Variants in CFI observed in about 807,000 individuals in gnomAD.
CFI encodes the protein C3B/C4B inactivator.
CFI carries 66 observed loss-of-function variants against 78.8 expected under a neutral mutation model. The ratio of observed to expected loss-of-function variants is 0.84; its 90% CI spans 0.69 to 1.03. The LOEUF is 1.03. CFI is among the 50% of genes least tolerant of loss of function. The pLI is 0.00. For missense variants in CFI, 706 were observed against 704.5 expected (o/e 1.00, Z -0.02); for synonymous variants, 250 against 232.6 (o/e 1.07, Z -0.68).
chr4:109,732,401 A>G, the CFI span, among the ~76,000 whole-genome samples: 1 of 152,226 alleles, frequency 6.6e-6, no homozygotes. Flanking sequence ...ACATTTAATC[A>G]TTATATATTT....
Position 109,766,795 on chromosome 4 carries a change from C to T in CFI, c.87G>A (p.Val29=). The T allele has an allele frequency of 6.2e-7, 1 of 1,614,122 alleles. No individual in the cohort carries two copies. The highest frequency in any genetic ancestry group is 8.5e-7 in the Non-Finnish European group (1 of 1,180,012). ...KVTYTSQEDL[V]EKKCLAKKYT... ...ATTTTTTTGCTAAGCACTTTTTCTC[C>T]ACCAGATCCTCTTGAGATGTATAAG... The change falls in exon 2 of 13, where the codon GTG becomes GTA. Residue 29 remains valine, a synonymous_variant. Transcript: ENST00000394634.
intron 6 of CFI, among the ~76,000 whole-genome samples, chr4:109,759,901 G>A (rs1181239457): frequency 2.0e-5 from 3 of 148,940 alleles, no homozygotes; most frequent in African/African-American, 5.0e-5. Flanking sequence ...CACAAAAAAA[G>A]TAATAGTAAA....
At position 109,779,911 on chromosome 4, in the gene CFI, G is replaced by A. The variant is rs575891859; in HGVS notation, c.58-13087C>T. Among the ~76,000 whole-genome samples the A allele has an allele frequency of 7.6e-3, 1,158 of 152,216 alleles. 12 individuals carry two copies. The highest frequency in any genetic ancestry group is 0.026 in the African/African-American group (1,088 of 41,542). ...TTCCCTATTTAATAAATGGTGCTGG[G>A]AAAACTGGCTAGCCATAAGTAGAAA... is the stretch of plus-strand genomic sequence containing the variant. On this transcript the variant is annotated intron_variant, in intron 1 of 12. Coordinates refer to ENST00000394634, the MANE Select transcript of CFI (RefSeq NM_000204.5).
the CFI span, among the ~76,000 whole-genome samples, chr4:109,731,101 C>T: frequency 1.3e-5 from 2 of 152,040 alleles, no homozygotes. Context: ...GCCTGTAATC[C>T]CAGCACCTTG....
chr4:109,748,729 G>A (rs1320657214), intron 10 of CFI, among the ~76,000 whole-genome samples: 1 of 152,162 alleles, frequency 6.6e-6, no homozygotes, highest in African/African-American at 2.4e-5. Flanking sequence ...GATGAGATTG[G>A]CAAAGGTTAG....
At chr4:109,750,179 T>C (rs776135939) in intron 8 of CFI, among the ~76,000 whole-genome samples, 1 of 151,862 alleles carries the variant, frequency 6.6e-6, no homozygotes, top group East Asian at 1.9e-4. Flanking sequence ...GTTTTTTTAG[T>C]AGAGATGGGG....
intron 1 of CFI, among the ~76,000 whole-genome samples, chr4:109,768,324 G>A (rs1579242066): frequency 9.9e-6 from 1 of 100,552 alleles, no homozygotes; most frequent in Non-Finnish European, 2.0e-5. Flanking sequence ...TCTTGACCAT[G>A]AAGAAATCCT....
intron 12 of CFI, chr4:109,741,821 T>C (rs572769577): frequency 5.4e-4 from 84 of 154,980 alleles, no homozygotes; most frequent in Non-Finnish European, 4.4e-4. Flanking sequence ...CATTTAGAAA[T>C]GGTTTCAATA....
intron 1 of CFI, among the ~76,000 whole-genome samples, chr4:109,782,304 C>CCT (rs1160969624): frequency 2.6e-5 from 4 of 151,950 alleles, no homozygotes; most frequent in Non-Finnish European, 5.9e-5. Flanking sequence ...AGCTCTAGAA[C>CCT]TGATACAAGA....
At chr4:109,781,744 G>A (rs1579285592) in intron 1 of CFI, among the ~76,000 whole-genome samples, 1 of 152,044 alleles carries the variant, frequency 6.6e-6, no homozygotes, top group African/African-American at 2.4e-5. Context: ...GAAGAACACA[G>A]AAGCTAAAAT....
At chr4:109,736,106 T>C (rs1351316020), downstream of CFI, among the ~76,000 whole-genome samples, 1 of 152,202 alleles carries the variant, frequency 6.6e-6, no homozygotes, top group African/African-American at 2.4e-5. Context: ...TAAAACAGAA[T>C]GCTTGAAGTT....
At chr4:109,734,225 G>C in the CFI span, among the ~76,000 whole-genome samples, 1 of 152,060 alleles carries the variant, frequency 6.6e-6, no homozygotes, top group African/African-American at 2.4e-5. Flanking sequence ...TAAAAAGTGA[G>C]TGTACACAAA....
intron 1 of CFI, among the ~76,000 whole-genome samples, chr4:109,768,346 A>AAAG (rs1417750597): frequency 6.6e-6 from 1 of 151,030 alleles, no homozygotes; most frequent in Admixed American, 6.6e-5. Flanking sequence ...AAAAAAAAAA[A>AAAG]AAAAAAAGAA....
At chr4:109,785,636 G>A (rs1243023327) in intron 1 of CFI, among the ~76,000 whole-genome samples, 1 of 151,780 alleles carries the variant, frequency 6.6e-6, no homozygotes, top group East Asian at 1.9e-4. Context: ...CTGTGTATAT[G>A]GGTGATATGG....
chr4:109,748,679 G>T (rs1724769892), intron 10 of CFI, among the ~76,000 whole-genome samples: 2 of 152,156 alleles, frequency 1.3e-5, no homozygotes, highest in African/African-American at 2.4e-5. Context: ...CCAGAGTAGA[G>T]GTGGTGGAAC....
At chr4:109,775,771 C>T (rs1192235311) in intron 1 of CFI, among the ~76,000 whole-genome samples, 3 of 152,168 alleles carry the variant, frequency 2.0e-5, no homozygotes, top group Non-Finnish European at 4.4e-5. Context: ...ACACCTCATA[C>T]AGCCGAGTGC....
At chr4:109,768,100 G>A (rs558313065) in intron 1 of CFI, among the ~76,000 whole-genome samples, 1 of 142,884 alleles carries the variant, frequency 7.0e-6, no homozygotes, top group African/African-American at 2.6e-5. Context: ...CATGGACACA[G>A]GAAGGGGAAC....
At chr4:109,781,899 A>G (rs539636139) in intron 1 of CFI, among the ~76,000 whole-genome samples, 1 of 152,274 alleles carries the variant, frequency 6.6e-6, no homozygotes, top group East Asian at 1.9e-4. Context: ...GCAGAATGAA[A>G]AACCAAAGTC....
rs1331142822 is a variant in CFI at position 109,793,141 on chromosome 4, C to T, written c.57+8774G>A. On this transcript the variant is annotated intron_variant, in intron 1 of 12. Transcript: ENST00000394634. ...TCTGTGTATATTTTTTAGATATTTT[C>T]TTTTTCGGTACTATGGAGATTACAA... Among the ~76,000 whole-genome samples the T allele has an allele frequency of 4.0e-5, 6 of 151,364 alleles. No individual in the cohort carries two copies. The South Asian group carries it at 6.2e-4, about 16-fold the overall frequency.
Sources: allele counts gnomAD v4.1 joint callset (sites outside exome capture counted in the v4.1 genomes callset), GRCh38; gene constraint gnomAD v4.1.1; transcripts MANE v1.5; gene names NCBI Gene and HGNC (gene_info 2026-07-23, HGNC 2026-07-21).